INSL4: variants seen among roughly 807,000 people sequenced by gnomAD.
INSL4 encodes early placenta insulin-like peptide.
In INSL4, 7 loss-of-function variants were observed where a neutral mutation model predicts 6.5. The observed-to-expected ratio is 1.08, with a 90% confidence interval of 0.61 to 2.02. The LOEUF is 2.02. Among genes scored for constraint, INSL4 ranks in the 30% most tolerant of loss-of-function variants. The pLI is 0.00. For missense variants in INSL4, 226 were observed against 163.2 expected, an observed-to-expected ratio of 1.38 and a Z score of -2.09; for synonymous variants, 82 against 65.8, an observed-to-expected ratio of 1.25 and a Z score of -1.19.
intron 1 of INSL4, 73 bp from the exon 2 acceptor site, chr9:5,233,581 T>C (rs1252540345): frequency 1.7e-5 from 20 of 1,178,640 alleles, no homozygotes; most frequent in South Asian, 2.7e-5. Context: ...TCTAGGCAAA[T>C]TGTATAATTT....
Position 5,234,854 on chromosome 9 carries a change from C to CTTTATGGG in INSL4, c.*977_*978insTTTATGGG, listed in dbSNP as rs1423384387. 3 of 151,728 alleles carry CTTTATGGG rather than the reference C, an allele frequency of 2.0e-5. No individual in the cohort carries two copies. Among genetic ancestry groups the CTTTATGGG allele is most frequent in the Non-Finnish European group, 4.4e-5 (3 of 67,994 alleles). The allele number at this position is 151,728 out of a possible 1,614,324, so 9.4% of individuals were successfully genotyped here. On this transcript the variant is annotated 3_prime_UTR_variant, in exon 2 of 2. Coordinates refer to ENST00000239316, the MANE Select transcript of INSL4 (RefSeq NM_002195.2). ...GATTTGAGTAGCCCCCTGTGCCTGC[C>CTTTATGGG]CATAAAGTGCTCTGAATCTAGTGTG... is the stretch of plus-strand genomic sequence containing the variant.
rs1826190930 is a variant in INSL4, at chr9:5,234,072, G to C, written c.*195G>C. 1 of 552,322 alleles carries C rather than the reference G, an allele frequency of 1.8e-6. No individual in the cohort carries two copies. Among genetic ancestry groups the C allele is most frequent in the Admixed American group, 3.3e-5 (1 of 30,492 alleles). The allele number at this position is 552,322 out of a possible 1,614,324, so 34.2% of individuals were successfully genotyped here. ...TAGATAGATGGAATAAGTTCTAGTA[G>C]TTGATAGTACAATGGGGAAATTATA... On this transcript the variant is annotated 3_prime_UTR_variant, in exon 2 of 2. Transcript: ENST00000239316.
rs1266314901 is a variant in INSL4, at chr9:5,231,786, C to T, written c.196+67C>T. ...AAAAACAGGCTCCAGATCTCATTGA[C>T]TGCCTGTAGTCAACTCAGACTCTAC... On this transcript the variant is annotated intron_variant, in intron 1 of 1. Coordinates refer to ENST00000239316, the MANE Select transcript of INSL4 (RefSeq NM_002195.2). The T allele has an allele frequency of 2.9e-6, 4 of 1,396,430 alleles. No homozygotes were observed. In the South Asian group the frequency reaches 3.8e-5, roughly 13 times the overall value. The allele number at this position is 1,396,430 out of a possible 1,614,324, so 86.5% of individuals were successfully genotyped here. A position where few individuals can be genotyped will look rare whatever the true frequency, so the allele number is the denominator to read the frequency against.
At chr9:5,232,092 A>G (rs1276510162) in intron 1 of INSL4, among the ~76,000 whole-genome samples, 1 of 152,006 alleles carries the variant, frequency 6.6e-6, no homozygotes, top group African/African-American at 2.4e-5. Flanking sequence ...GCCAGAAAAC[A>G]GGTGTGATTG....
chr9:5,231,846 T>C (rs1182734036), intron 1 of INSL4, 127 bp downstream of exon 1: 2 of 773,932 alleles, frequency 2.6e-6, no homozygotes, highest in Non-Finnish European at 4.1e-6. Context: ...GGTTTTTCAT[T>C]GTAATGTGCT....
At chr9:5,231,855 C>A (rs936877679) in intron 1 of INSL4, 136 bp downstream of exon 1, 1 of 738,114 alleles carries the variant, frequency 1.4e-6, no homozygotes, top group Non-Finnish European at 2.2e-6. Flanking sequence ...TTGTAATGTG[C>A]TTTTATTAAA....
At chr9:5,233,434 G>A (rs1290636340) in intron 1 of INSL4, among the ~76,000 whole-genome samples, 1 of 152,134 alleles carries the variant, frequency 6.6e-6, no homozygotes, top group Admixed American at 6.6e-5. Context: ...GAGGGGACAG[G>A]ATGAGGAGTT....
intron 1 of INSL4, among the ~76,000 whole-genome samples, chr9:5,233,451 T>A (rs1826177181): frequency 6.6e-6 from 1 of 152,104 alleles, no homozygotes. Flanking sequence ...AGTTAGCATA[T>A]CCTTAATATT....
At position 5,234,794 on chromosome 9, in the gene INSL4, A is replaced by G. The variant is rs149887359; in HGVS notation, c.*917A>G. The G allele has an allele frequency of 6.6e-6, 1 of 152,032 alleles. No homozygotes were observed. Among genetic ancestry groups the G allele is most frequent in the Non-Finnish European group, 1.5e-5 (1 of 68,000 alleles). 9.4% of individuals were successfully genotyped at this position (152,032 alleles called of 1,614,324 possible). On this transcript the variant is annotated 3_prime_UTR_variant, in exon 2 of 2. Transcript: ENST00000239316. ...GGCTAACTGAAGCTGCTACTACCTC[A>G]TTATCAGGTCCTATAAACTTAATTC...
chr9:5,233,724 G>C lies in INSL4; in HGVS notation c.267G>C (p.Leu89Phe). 2 of 1,613,680 alleles carry C rather than the reference G, an allele frequency of 1.2e-6. No individual in the cohort carries two copies. The highest frequency in any genetic ancestry group is 1.7e-6 in the Non-Finnish European group (2 of 1,179,732). Residue 89 changes from leucine to phenylalanine, a missense_variant, in exon 2 of 2, where the codon TTG becomes TTC. Physicochemically the swap from Leu to Phe is conservative, Grantham distance 22. Transcript: ENST00000239316. ...CGACATCAGAATTCATTCCTAATTT[G>C]TCACCAGAGCTGAAGAAACCACTGT... Reference protein sequence around the residue: ...LGTTSEFIPNLSPELKKPLSE... With the variant: ...LGTTSEFIPNFSPELKKPLSE...
rs1826142862 is a variant in INSL4, at chr9:5,231,456, G to C, written c.-68G>C. The C allele has an allele frequency of 2.0e-6, 3 of 1,494,452 alleles. No homozygotes were observed. Among genetic ancestry groups the C allele is most frequent in the Non-Finnish European group, 2.7e-6 (3 of 1,098,044 alleles). The allele number at this position is 1,494,452 out of a possible 1,614,324, so 92.6% of individuals were successfully genotyped here. ...AGAAGGGACACACCAGCACAGTCTG[G>C]TAGGCTACAGCAGCAAGTCTCTAAA... On this transcript the variant is annotated 5_prime_UTR_variant, in exon 1 of 2. Coordinates refer to ENST00000239316, the MANE Select transcript of INSL4 (RefSeq NM_002195.2).
chr9:5,231,469 G>C lies in INSL4; in HGVS notation c.-55G>C, dbSNP rs1282895929. The C allele has an allele frequency of 2.5e-5, 39 of 1,550,750 alleles. No homozygotes were observed. The highest frequency in any genetic ancestry group is 7.1e-5 in the Admixed American group (4 of 56,212). On this transcript the variant is annotated 5_prime_UTR_variant, in exon 1 of 2. Transcript: ENST00000239316. ...CAGCACAGTCTGGTAGGCTACAGCA[G>C]CAAGTCTCTAAAGAAAGGCTGAGAA...
Position 5,234,131 on chromosome 9 carries a change from C to A in INSL4, c.*254C>A. The A allele has an allele frequency of 7.6e-6, 3 of 393,336 alleles. No individual in the cohort carries two copies. The highest frequency in any genetic ancestry group is 3.3e-5 in the South Asian group (1 of 30,038). The allele number at this position is 393,336 out of a possible 1,614,324, so 24.4% of individuals were successfully genotyped here. ...TAATTCACTGTATATTCCAAAATAGCTAGAAGAGAATTGTAATGATTCCAA... is the reference window on the plus strand; with the variant it reads ...TAATTCACTGTATATTCCAAAATAGATAGAAGAGAATTGTAATGATTCCAA... On this transcript the variant is annotated 3_prime_UTR_variant, in exon 2 of 2. Transcript: ENST00000239316.
Position 5,233,914 on chromosome 9 carries a change from A to C in INSL4, c.*37A>C. 5 of 1,369,898 alleles carry C rather than the reference A, an allele frequency of 3.6e-6. No individual in the cohort carries two copies. The highest frequency in any genetic ancestry group is 1.4e-5 in the African/African-American group (1 of 69,856). The allele number at this position is 1,369,898 out of a possible 1,614,324, so 84.9% of individuals were successfully genotyped here. A position where few individuals can be genotyped will look rare whatever the true frequency, so the allele number is the denominator to read the frequency against. On this transcript the variant is annotated 3_prime_UTR_variant, in exon 2 of 2. Transcript: ENST00000239316. The stretch of plus-strand genomic sequence containing the variant: ...TGGACTGGACATCTCATCCATTCTC[A>C]TATGTATTCTCAATGACAAATTCAC...
intron 1 of INSL4, among the ~76,000 whole-genome samples, chr9:5,233,424 G>C (rs1038615599): frequency 6.6e-6 from 1 of 152,164 alleles, no homozygotes; most frequent in Non-Finnish European, 1.5e-5. Context: ...AGAGTGCATA[G>C]AGGGGACAGG....
chr9:5,231,851 T>C (rs1246362529), intron 1 of INSL4, 132 bp downstream of exon 1: 7 of 750,820 alleles, frequency 9.3e-6, no homozygotes, highest in Non-Finnish European at 1.5e-5. Flanking sequence ...TTCATTGTAA[T>C]GTGCTTTTAT....
In INSL4 at chr9:5,233,684, G is replaced by A. The variant is rs2130951827; in HGVS notation, c.227G>A (p.Gly76Glu). 1 of 1,613,522 alleles carries A rather than the reference G, an allele frequency of 6.2e-7. No homozygotes were observed. The change falls in exon 2 of 2, where the codon GGA becomes GAA. Residue 76 changes from glycine (G) to glutamate (E), a missense_variant. Physicochemically the swap from Gly to Glu is moderately conservative, Grantham distance 98. Transcript: ENST00000239316. ...EMVSTSNNKD[G>E]QALGTTSEFI... ...GTGTCAACCTCCAACAACAAAGATG[G>A]ACAAGCCTTAGGTACGACATCAGAA... is the stretch of plus-strand genomic sequence containing the variant.
rs1826181514 is a variant in INSL4, at chr9:5,233,661, G to T, written c.204G>T (p.Val68=). ...CTCTCTTTTACTTCACAGAAATGGT[G>T]TCAACCTCCAACAACAAAGATGGAC... The part of the protein sequence containing the change: ...LLESGRPKEM[V]STSNNKDGQA... Residue 68 remains valine, a synonymous_variant, in exon 2 of 2, where the codon GTG becomes GTT. Transcript: ENST00000239316. The T allele has an allele frequency of 4.3e-6, 7 of 1,612,336 alleles. No individual in the cohort carries two copies. The highest frequency in any genetic ancestry group is 5.9e-6 in the Non-Finnish European group (7 of 1,178,848).
chr9:5,232,375 AT>A (rs755661424), intron 1 of INSL4, among the ~76,000 whole-genome samples: 53 of 152,248 alleles, frequency 3.5e-4, no homozygotes, highest in Non-Finnish European at 5.6e-4. Flanking sequence ...CTTGCCTCCC[AT>A]TTCTTTGAAT....
Sources: allele counts gnomAD v4.1 joint callset (sites outside exome capture counted in the v4.1 genomes callset), GRCh38; gene constraint gnomAD v4.1.1; transcripts MANE v1.5; gene names NCBI Gene and HGNC (gene_info 2026-07-23, HGNC 2026-07-21).